LIPC: variants seen among roughly 807,000 people sequenced by gnomAD.
LIPC encodes the protein lipase C, hepatic type, also known as hepatic triacylglycerol lipase.
LIPC carries 44 observed loss-of-function variants against 50.7 expected under a neutral mutation model. The ratio of observed to expected loss-of-function variants is 0.87; its 90% CI spans 0.68 to 1.11. The LOEUF is 1.11. LIPC is among the 50% of genes most tolerant of loss of function. The pLI is 0.00. For missense variants in LIPC, 697 were observed against 648.2 expected (o/e 1.08, Z -0.82); for synonymous variants, 271 against 256.4 (o/e 1.06, Z -0.54).
At chr15:58,482,357 C>G (rs2140777627) in intron 1 of LIPC, among the ~76,000 whole-genome samples, 1 of 152,298 alleles carries the variant, frequency 6.6e-6, no homozygotes, top group African/African-American at 2.4e-5. Context: ...CCCTCTCCAG[C>G]TCATGCTCTG....
intron 1 of LIPC, among the ~76,000 whole-genome samples, chr15:58,536,235 A>G (rs1439192769): frequency 6.6e-6 from 1 of 152,144 alleles, no homozygotes; most frequent in Non-Finnish European, 1.5e-5. Context: ...GCAGGAGGTG[A>G]GGTGCAAAGG....
chr15:58,540,527 G>T (rs867082374), intron 2 of LIPC, among the ~76,000 whole-genome samples: 3 of 152,146 alleles, frequency 2.0e-5, no homozygotes, highest in Admixed American at 6.5e-5. Context: ...GATGCTCCAT[G>T]CACATAGAAG....
intron 4 of LIPC, among the ~76,000 whole-genome samples, chr15:58,544,929 T>C (rs1893470221): frequency 6.6e-6 from 1 of 152,188 alleles, no homozygotes; most frequent in Non-Finnish European, 1.5e-5. Flanking sequence ...TGCACAGACA[T>C]CTGTCACTTG....
chr15:58,541,891 A>C lies in LIPC; in HGVS notation c.380A>C (p.His127Pro), dbSNP rs1227116121. ...VGLVDWITLA[H>P]DHYTIAVRNT... Reference sequence around the variant, plus strand: ...CTGGTGGACTGGATCACCCTGGCCCACGACCACTACACCATCGCCGTCCGC... The same window carrying C: ...CTGGTGGACTGGATCACCCTGGCCCCCGACCACTACACCATCGCCGTCCGC... Residue 127 changes from histidine to proline, a missense_variant, in exon 3 of 9, where the codon CAC becomes CCC. Physicochemically the swap from His to Pro is moderately conservative, Grantham distance 77 (BLOSUM62 -2). Coordinates refer to ENST00000299022, the MANE Select transcript of LIPC (RefSeq NM_000236.3). 6.2e-7 allele frequency: 1 copy of C among 1,612,082 alleles called. No individual in the cohort carries two copies. Among genetic ancestry groups the C allele is most frequent in the African/African-American group, 1.3e-5 (1 of 74,906 alleles).
chr15:58,548,196 G>GACC, intron 5 of LIPC, 134 bp from the exon 6 acceptor site: 5 of 1,126,808 alleles, frequency 4.4e-6, no homozygotes, highest in South Asian at 1.3e-5. Context: ...CAAGGGGTCT[G>GACC]CCTTGACAAG....
chr15:58,555,835 C>T (rs1172509964), intron 6 of LIPC, among the ~76,000 whole-genome samples: 2 of 152,198 alleles, frequency 1.3e-5, no homozygotes, highest in Non-Finnish European at 2.9e-5. Flanking sequence ...AGGGCAGTGG[C>T]TGCACAGTCA....
chr15:58,486,151 C>T (rs1891369294), intron 1 of LIPC, among the ~76,000 whole-genome samples: 1 of 152,202 alleles, frequency 6.6e-6, no homozygotes, highest in Non-Finnish European at 1.5e-5. Context: ...TCTATTCTAA[C>T]AGTGCCACTC....
intron 1 of LIPC, chr15:58,533,084 C>T (rs1893005443): frequency 2.4e-6 from 2 of 822,582 alleles, no homozygotes; most frequent in South Asian, 1.1e-4. Flanking sequence ...TCACTTACCT[C>T]AATTTAATAT....
At chr15:58,542,753 T>A (rs1245553329) in intron 4 of LIPC, 102 bp downstream of exon 4, 1 of 774,620 alleles carries the variant, frequency 1.3e-6, no homozygotes, top group Non-Finnish European at 2.3e-6. Flanking sequence ...CCCCAACACT[T>A]ATTGTGAGGG....
chr15:58,564,088 C>T (rs1452644130), intron 8 of LIPC: 8 of 304,900 alleles, frequency 2.6e-5, no homozygotes, highest in Admixed American at 1.2e-4. Flanking sequence ...GATGCAACAT[C>T]TTTTTTTTAT....
chr15:58,527,655 A>G (rs750800044), intron 1 of LIPC, among the ~76,000 whole-genome samples: 20 of 152,110 alleles, frequency 1.3e-4, no homozygotes, highest in Non-Finnish European at 2.8e-4. Context: ...TTGTTTATTT[A>G]CTTGCCTCTA....
chr15:58,524,116 A>G (rs546994775), intron 1 of LIPC, among the ~76,000 whole-genome samples: 1 of 152,002 alleles, frequency 6.6e-6, no homozygotes, highest in South Asian at 2.1e-4. Context: ...TCTCATCTGT[A>G]TCGTTCCAAC....
chr15:58,520,749 C>G (rs12324244), intron 1 of LIPC, among the ~76,000 whole-genome samples: 2 of 152,166 alleles, frequency 1.3e-5, no homozygotes, highest in Admixed American at 6.5e-5. Context: ...CAGCAGGAAG[C>G]CTGATTAATG....
intron 1 of LIPC, among the ~76,000 whole-genome samples, chr15:58,530,147 G>A (rs998099604): frequency 2.0e-5 from 3 of 152,220 alleles, no homozygotes; most frequent in Admixed American, 6.5e-5. Context: ...TGGGTGCAGC[G>A]ACGCTGCATG....
At chr15:58,562,884 G>A (rs1373471719) in intron 7 of LIPC, among the ~76,000 whole-genome samples, 2 of 151,524 alleles carry the variant, frequency 1.3e-5, no homozygotes, top group African/African-American at 4.9e-5. Context: ...CTCTCCCAGG[G>A]GATGGTTCTC....
chr15:58,561,080 C>G, intron 7 of LIPC, 99 bp downstream of exon 7: 1 of 774,682 alleles, frequency 1.3e-6, no homozygotes, highest in South Asian at 1.4e-5. Flanking sequence ...CCAGCTACAA[C>G]TACTTTATTC....
intron 1 of LIPC, among the ~76,000 whole-genome samples, chr15:58,491,882 T>C (rs1187187197): frequency 4.6e-5 from 7 of 152,176 alleles, no homozygotes; most frequent in African/African-American, 1.2e-4. Context: ...TGATTCCTAT[T>C]GGTCCTTCCA....
chr15:58,448,541 T>C (rs1459650154), intron 1 of LIPC, among the ~76,000 whole-genome samples: 2 of 152,242 alleles, frequency 1.3e-5, no homozygotes, highest in African/African-American at 2.4e-5. Context: ...GCAGGTGCCC[T>C]GCTGCGTGGC....
At chr15:58,557,300 T>C (rs1393673313) in intron 6 of LIPC, among the ~76,000 whole-genome samples, 1 of 151,168 alleles carries the variant, frequency 6.6e-6, no homozygotes, top group Non-Finnish European at 1.5e-5. Flanking sequence ...TCAAGTGAGA[T>C]GACAGAAGCA....
Sources: gnomAD v4.1 joint callset for allele counts (sites outside exome capture counted in the v4.1 genomes callset) on GRCh38, gnomAD v4.1.1 for gene constraint, MANE v1.5 for transcripts, NCBI Gene and HGNC (gene_info 2026-07-23, HGNC 2026-07-21) for gene names.